Variants in EHMT1 observed in about 807,000 individuals in gnomAD.
EHMT1 encodes the protein euchromatic histone lysine methyltransferase 1, also known as histone-lysine N-methyltransferase EHMT1.
Under a neutral mutation model 147.2 loss-of-function variants are expected in EHMT1, and 15 were observed. The observed-to-expected ratio is 0.10, with a 90% CI of 0.07 to 0.16. The LOEUF is 0.16. Ranked by LOEUF, EHMT1 falls within the 10% of genes least tolerant of loss-of-function variation. The pLI is 1.00. For synonymous variants in EHMT1, 795 were observed against 709.6 expected, an observed-to-expected ratio of 1.12 and a Z score of -1.91; for missense variants, 1,587 against 1,772.4, an observed-to-expected ratio of 0.90 and a Z score of 1.88.
intron 5 of EHMT1, 55 bp from the exon 6 acceptor site, chr9:137,743,847 T>G: frequency 6.4e-7 from 1 of 1,554,976 alleles, no homozygotes; most frequent in South Asian, 1.2e-5. Context: ...GAAAGCAAGT[T>G]TGTTCATGAT....
intron 4 of EHMT1, among the ~76,000 whole-genome samples, chr9:137,741,394 G>T (rs1948068480): frequency 6.6e-6 from 1 of 151,624 alleles, no homozygotes; most frequent in Non-Finnish European, 1.5e-5. Flanking sequence ...GTTTCCAGGG[G>T]ACAGGTAGCA....
At chr9:137,636,095 TA>T (rs1324656457) in intron 1 of EHMT1, among the ~76,000 whole-genome samples, 10 of 151,862 alleles carry the variant, frequency 6.6e-5, no homozygotes, top group Non-Finnish European at 1.5e-4. Flanking sequence ...CTAATTTTTG[TA>T]TTTTTAGTAG....
rs139166743 is a variant in EHMT1 at position 137,823,396 on chromosome 9, C to T, written c.3540+5258C>T. On this transcript the variant is annotated intron_variant, in intron 25 of 26. Transcript: ENST00000460843. ...TACAGGCGTGAGCCACCGCACCGCA[C>T]CCGGCCAACGCCTGGGTAATTTTTT... The T allele has an allele frequency of 3.7e-3, 1,359 of 369,218 alleles. 5 individuals carry two copies. The highest frequency in any genetic ancestry group is 5.9e-3 in the Non-Finnish European group (1,138 of 192,232). 22.9% of individuals were successfully genotyped at this position (369,218 alleles called of 1,614,324 possible). A position where few individuals can be genotyped will look rare whatever the true frequency, so the allele number is the denominator to read the frequency against.
In EHMT1 at chr9:137,782,638, T is replaced by G. The variant is rs536823303; in HGVS notation, c.2382+241T>G. 1.1e-3 allele frequency among the ~76,000 whole-genome samples: 166 copies of G among 152,288 alleles called. No homozygotes were observed. The highest frequency in any genetic ancestry group is 2.0e-3 in the Non-Finnish European group (135 of 68,028). On this transcript the variant is annotated intron_variant, in intron 15 of 26. Coordinates refer to ENST00000460843, the MANE Select transcript of EHMT1 (RefSeq NM_024757.5). This position sits in a 1 kb window ranked among gnomAD's most constrained non-coding sequence, Gnocchi z 5.7. ...GCCGCCATTTGGCTGTTTCTTGATT[T>G]GCTTTCTTTGGTTTTGGTTTTGGTT... is the stretch of plus-strand genomic sequence containing the variant.
intron 10 of EHMT1, among the ~76,000 whole-genome samples, chr9:137,773,208 A>G (rs1030005453): frequency 6.6e-6 from 1 of 152,232 alleles, no homozygotes; most frequent in African/African-American, 2.4e-5. Context: ...AATTTTTGAA[A>G]ATAACTTGTT....
chr9:137,620,759 C>G (rs1571440), intron 1 of EHMT1, among the ~76,000 whole-genome samples: 6,679 of 152,278 alleles, frequency 0.044, 481 homozygotes, highest in African/African-American at 0.15. Flanking sequence ...AGGACCAGCA[C>G]TAGTACAGTG....
chr9:137,664,561 A>T (rs1169842540), intron 1 of EHMT1, among the ~76,000 whole-genome samples: 1 of 151,656 alleles, frequency 6.6e-6, no homozygotes, highest in East Asian at 1.9e-4. Flanking sequence ...GCCTGGCCCG[A>T]TACTCTCATT....
rs1475513701 is a variant in EHMT1, at chr9:137,813,831, T to C, written c.3180+301T>C. Among the ~76,000 whole-genome samples, 1 of 152,156 alleles carries C rather than the reference T, an allele frequency of 6.6e-6. No homozygotes were observed. The highest frequency in any genetic ancestry group is 2.4e-5 in the African/African-American group (1 of 41,438). On this transcript the variant is annotated intron_variant, in intron 21 of 26. Coordinates refer to ENST00000460843, the MANE Select transcript of EHMT1 (RefSeq NM_024757.5). This position sits in a 1 kb window ranked among gnomAD's most constrained non-coding sequence, Gnocchi z 4.9. ...TCACACTCAGGGGCCCCGGTGTGGCTTCGTGCTGGGGGCACAGGCGAGAGG... is the reference window on the plus strand; with the variant it reads ...TCACACTCAGGGGCCCCGGTGTGGCCTCGTGCTGGGGGCACAGGCGAGAGG...
At chr9:137,795,766 T>TG (rs1280406678) in intron 16 of EHMT1, among the ~76,000 whole-genome samples, 1 of 152,154 alleles carries the variant, frequency 6.6e-6, no homozygotes, top group African/African-American at 2.4e-5. Context: ...ATCACACTGT[T>TG]GTAAAGGTAT....
Position 137,710,979 on chromosome 9 carries a change from A to T in EHMT1, c.34A>T (p.Arg12Trp). Residue 12 changes from arginine (R) to tryptophan (W), a missense_variant, in exon 2 of 27, where the codon AGG (arginine) becomes TGG (tryptophan). Around this residue, in one of 7 missense-constraint regions of EHMT1, gnomAD observed 810 missense variants for 673.0 expected, o/e 1.20. Coordinates refer to ENST00000460843, the MANE Select transcript of EHMT1 (RefSeq NM_024757.5). ...TTCTCTCTAACAGGCAGTTCCGGCG[A>T]GGGGGGAGCCTCAGCAGGATTGCTG... Reference protein sequence around the residue: ...AAADAEAVPARGEPQQDCCVK... With the variant: ...AAADAEAVPAWGEPQQDCCVK... 1.3e-6 allele frequency: 2 copies of T among 1,598,012 alleles called. No homozygotes were observed. The highest frequency in any genetic ancestry group is 8.5e-7 in the Non-Finnish European group (1 of 1,173,088).
At chr9:137,743,084 G>T in intron 4 of EHMT1, 1 of 413,736 alleles carries the variant, frequency 2.4e-6, no homozygotes, top group Non-Finnish European at 4.5e-6. Context: ...ATGATTTGTG[G>T]CTTTCCTGCC....
rs1588647956 is a variant in EHMT1, at chr9:137,776,459, C to G, written c.1792-159C>G. On this transcript the variant is annotated intron_variant, in intron 11 of 26. Transcript: ENST00000460843. The surrounding 1 kb of genome is among the most constrained non-coding windows in gnomAD (Gnocchi z 4.4). ...ACCACGGGAAGCATCGTTCCTCCTT[C>G]TTAACGATGCCTGGGGCCAAGACTG... The G allele has an allele frequency of 5.9e-6, 4 of 676,078 alleles. No individual in the cohort carries two copies. In the East Asian group the frequency reaches 1.1e-4, roughly 19 times the overall value. 41.9% of individuals were successfully genotyped at this position (676,078 alleles called of 1,614,324 possible).
intron 3 of EHMT1, among the ~76,000 whole-genome samples, chr9:137,724,309 G>T (rs1390743289): frequency 2.0e-5 from 3 of 150,446 alleles, no homozygotes; most frequent in African/African-American, 7.3e-5. Flanking sequence ...GAGCCTCAGC[G>T]AAGGGGCCTC....
intron 1 of EHMT1, chr9:137,675,277 G>C (rs1273554519): frequency 6.6e-6 from 1 of 152,080 alleles, no homozygotes; most frequent in African/African-American, 2.4e-5. Context: ...AAAGGGGAGA[G>C]GCTGGAATTA....
At chr9:137,824,692 G>A (rs1955686427) in intron 25 of EHMT1, among the ~76,000 whole-genome samples, 1 of 152,118 alleles carries the variant, frequency 6.6e-6, no homozygotes, top group South Asian at 2.1e-4. Context: ...TTAGTATGTA[G>A]ATCTTACACT....
intron 1 of EHMT1, among the ~76,000 whole-genome samples, chr9:137,627,544 C>T (rs939420405): frequency 3.0e-4 from 45 of 151,998 alleles, no homozygotes; most frequent in African/African-American, 9.9e-4. Context: ...GGATGACAGG[C>T]GTGAGCCGCT....
In EHMT1 at chr9:137,800,891, C is replaced by G; in HGVS notation, c.2619C>G (p.Gly873=). ...CTCTTCCCTGGCAGGATGACGGAGG[C>G]TGGACACCCATGATCTGGGCCACAG... ...QMDVNCQDDG[G]WTPMIWATEY... is the part of the protein sequence containing the mutation. The change falls in exon 18 of 27, where the codon GGC becomes GGG. Residue 873 remains glycine (G), a synonymous_variant. Transcript: ENST00000460843. 6.2e-7 allele frequency: 1 copy of G among 1,614,132 alleles called. No individual in the cohort carries two copies. The highest frequency in any genetic ancestry group is 8.5e-7 in the Non-Finnish European group (1 of 1,180,012).
intron 1 of EHMT1, among the ~76,000 whole-genome samples, chr9:137,628,698 C>T (rs1287054313): frequency 1.3e-5 from 2 of 152,148 alleles, no homozygotes; most frequent in South Asian, 2.1e-4. Flanking sequence ...TGGTTGTGGT[C>T]GGAAGGTTCT....
chr9:137,806,587 C>T (rs1312166251), intron 18 of EHMT1, among the ~76,000 whole-genome samples: 1 of 152,074 alleles, frequency 6.6e-6, no homozygotes. Context: ...AGGCGCTGGC[C>T]ACCACGCCCG....
Sources: gnomAD v4.1 joint callset for allele counts (sites outside exome capture counted in the v4.1 genomes callset) on GRCh38, gnomAD v4.1.1 for gene constraint, gnomAD v4.1.1 regional missense constraint, Gnocchi (gnomAD v3.1) non-coding constraint, MANE v1.5 for transcripts, NCBI Gene and HGNC (gene_info 2026-07-23, HGNC 2026-07-21) for gene names.